Variants in TTC28 observed in about 807,000 individuals in gnomAD.
The protein encoded by TTC28 is tetratricopeptide repeat protein 28.
A neutral mutation model predicts 198.0 loss-of-function variants in TTC28; 61 were observed. The ratio of observed to expected loss-of-function variants is 0.31; its 90% CI spans 0.25 to 0.38. The LOEUF (loss-of-function observed/expected upper bound fraction) is 0.38. Ranked by LOEUF, TTC28 falls within the 10% of genes least tolerant of loss-of-function variation. The pLI is 1.00. For missense variants in TTC28, 2,678 were observed against 3,164.0 expected, an observed-to-expected ratio of 0.85 and a Z score of 3.69; for synonymous variants, 1,171 against 1,297.8, an observed-to-expected ratio of 0.90 and a Z score of 2.10.
chr22:28,103,057 C>T (rs1942199972), intron 8 of TTC28, among the ~76,000 whole-genome samples: 1 of 152,198 alleles, frequency 6.6e-6, no homozygotes, highest in Admixed American at 6.5e-5. Context: ...TCTATGAAAA[C>T]AGGGACTTTG....
intron 5 of TTC28, among the ~76,000 whole-genome samples, chr22:28,285,268 T>A (rs2044660869): frequency 6.6e-6 from 1 of 152,228 alleles, no homozygotes. Flanking sequence ...AAGAACATTA[T>A]GCTATGTGAA....
intron 12 of TTC28, among the ~76,000 whole-genome samples, chr22:28,061,083 G>C (rs567495821): frequency 6.6e-6 from 1 of 152,166 alleles, no homozygotes; most frequent in Non-Finnish European, 1.5e-5. Flanking sequence ...TTTTTTTCTT[G>C]TAAATTTAAG....
intron 1 of TTC28, among the ~76,000 whole-genome samples, chr22:28,639,854 G>A (rs2051335010): frequency 6.6e-6 from 1 of 152,146 alleles, no homozygotes; most frequent in Non-Finnish European, 1.5e-5. Context: ...TAGATGATAA[G>A]AGAAAATTTC....
At chr22:28,313,649 AC>A (rs1325115370) in intron 2 of TTC28, among the ~76,000 whole-genome samples, 2 of 152,224 alleles carry the variant, frequency 1.3e-5, no homozygotes, top group Admixed American at 6.5e-5. Context: ...AAGGCCTTCA[AC>A]AAAATTCAAC....
Position 27,982,121 on chromosome 22 carries a change from G to T in TTC28, c.*100C>A, listed in dbSNP as rs920973355. 20 of 1,210,770 alleles carry T rather than the reference G, an allele frequency of 1.7e-5. 1 individual carries two copies. In the Admixed American group the frequency reaches 4.8e-4, roughly 29 times the overall value. The allele number at this position is 1,210,770 out of a possible 1,614,324, so 75.0% of individuals were successfully genotyped here. On this transcript the variant is annotated 3_prime_UTR_variant, in exon 23 of 23. Transcript: ENST00000397906. This position sits in a 1 kb window ranked among gnomAD's most constrained non-coding sequence, Gnocchi z 5.2. ...GCCTGCAGAGCACAGCATCATGAGG[G>T]TGCTGGTGGCTGTGGGGGGACTGCA... is the stretch of plus-strand genomic sequence containing the variant.
Position 27,983,609 on chromosome 22 carries a change from G to A in TTC28, c.6058C>T (p.Arg2020Trp), listed in dbSNP as rs986600100. The change falls in exon 23 of 23, where the codon CGG becomes TGG. Residue 2020 changes from arginine (R) to tryptophan (W), a missense_variant. By Grantham distance (101) the Arg-to-Trp change is moderately radical. Transcript: ENST00000397906. ...TTCTTGGACCGGTCATGGTCCTGCC[G>A]TCCTCCGGGGCCTCCACCCTCTGAT... ...GGSEGGGPGG[R>W]QDHDRSKNAY... The A allele has an allele frequency of 1.0e-4, 160 of 1,545,534 alleles. No homozygotes were observed. In the East Asian group the frequency reaches 2.3e-3, roughly 22 times the overall value.
intron 15 of TTC28, chr22:28,000,568 A>C (rs1937645533): frequency 6.6e-6 from 1 of 152,378 alleles, no homozygotes; most frequent in Non-Finnish European, 1.5e-5. Flanking sequence ...CCTTGTGGTA[A>C]AGACAGTCCT....
At chr22:28,065,249 A>G (rs1179411010) in intron 12 of TTC28, among the ~76,000 whole-genome samples, 1 of 152,212 alleles carries the variant, frequency 6.6e-6, no homozygotes, top group Non-Finnish European at 1.5e-5. Context: ...CTTCCCACCA[A>G]CATGAGATTC....
intron 12 of TTC28, among the ~76,000 whole-genome samples, chr22:28,056,734 C>G (rs1940305305): frequency 6.6e-6 from 1 of 152,108 alleles, no homozygotes. Flanking sequence ...GTGTTCATAA[C>G]TCTATCAAGA....
At chr22:28,001,813 T>A in intron 14 of TTC28, 1 of 496,132 alleles carries the variant, frequency 2.0e-6, no homozygotes. Flanking sequence ...GAGGACAGTT[T>A]CTTGAAGTTC....
intron 12 of TTC28, chr22:28,056,007 A>G (rs1401491679): frequency 1.3e-5 from 2 of 152,142 alleles, no homozygotes; most frequent in East Asian, 1.9e-4. Flanking sequence ...ATGACACCCT[A>G]TATTTTTAAG....
At chr22:28,395,119 T>C (rs1225830450) in intron 2 of TTC28, among the ~76,000 whole-genome samples, 1 of 152,218 alleles carries the variant, frequency 6.6e-6, no homozygotes, top group Admixed American at 6.5e-5. Context: ...TTGTACTGTA[T>C]GTCTAACCAG....
chr22:28,284,033 C>A (rs992162503), intron 5 of TTC28, among the ~76,000 whole-genome samples: 3 of 152,078 alleles, frequency 2.0e-5, no homozygotes. Flanking sequence ...CACTTTTTAC[C>A]TACTACCACC....
At chr22:28,199,160 G>A (rs1444614943) in intron 5 of TTC28, among the ~76,000 whole-genome samples, 1 of 151,554 alleles carries the variant, frequency 6.6e-6, no homozygotes, top group Non-Finnish European at 1.5e-5. Flanking sequence ...AAATACAGAG[G>A]AACATGTACA....
At chr22:28,313,578 A>C (rs5997354) in intron 2 of TTC28, among the ~76,000 whole-genome samples, 13,539 of 152,276 alleles carry the variant, frequency 0.089, 724 homozygotes, top group Middle Eastern at 0.17. Flanking sequence ...CAATAAACGT[A>C]ATCCATCACA....
At chr22:28,167,055 A>T (rs547797624) in intron 5 of TTC28, among the ~76,000 whole-genome samples, 365 of 152,234 alleles carry the variant, frequency 2.4e-3, no homozygotes, top group South Asian at 8.9e-3. Flanking sequence ...TCTACGCAAA[A>T]AAACTAGAAA....
At chr22:28,074,471 G>A (rs1941101583) in intron 12 of TTC28, among the ~76,000 whole-genome samples, 1 of 152,172 alleles carries the variant, frequency 6.6e-6, no homozygotes, top group Non-Finnish European at 1.5e-5. Flanking sequence ...GCCATCCCAA[G>A]CTTTGGGACC....
intron 13 of TTC28, among the ~76,000 whole-genome samples, chr22:28,027,329 C>T (rs1239524525): frequency 6.6e-6 from 1 of 152,186 alleles, no homozygotes; most frequent in Non-Finnish European, 1.5e-5. Context: ...GCAGTGCCTA[C>T]CCTGGGTTCA....
chr22:28,345,825 C>T (rs966290532), intron 2 of TTC28, among the ~76,000 whole-genome samples: 4 of 152,100 alleles, frequency 2.6e-5, no homozygotes, highest in Non-Finnish European at 4.4e-5. Flanking sequence ...CTCTTCACTT[C>T]AAACAAACTG....
Sources: allele counts gnomAD v4.1 joint callset (sites outside exome capture counted in the v4.1 genomes callset), GRCh38; gene constraint gnomAD v4.1.1; non-coding constraint Gnocchi (gnomAD v3.1); transcripts MANE v1.5; gene names NCBI Gene and HGNC (gene_info 2026-07-23, HGNC 2026-07-21).